Variants in CD300LG observed in about 807,000 individuals in gnomAD.
The protein encoded by CD300LG is CMRF35-like molecule 9.
A neutral mutation model predicts 31.5 loss-of-function variants in CD300LG; 29 were observed. The ratio of observed to expected loss-of-function variants is 0.92; its 90% CI spans 0.68 to 1.25. The LOEUF (loss-of-function observed/expected upper bound fraction) is 1.25, where lower values mean the gene tolerates loss of function less well. Ranked by LOEUF, CD300LG falls within the 50% of genes most tolerant of loss-of-function variation. CD300LG has a pLI of 0.00. For missense variants in CD300LG, 396 were observed against 417.6 expected (o/e 0.95, Z 0.45); for synonymous variants, 175 against 177.2 (o/e 0.99, Z 0.10).
At chr17:43,857,064 T>C in intron 5 of CD300LG, 40 bp from the exon 6 acceptor site, 2 of 1,610,608 alleles carry the variant, frequency 1.2e-6, no homozygotes, top group Non-Finnish European at 1.7e-6. Context: ...TCCCGGCTAC[T>C]CCTGGCTTCA....
chr17:43,854,243 C>G (rs1468356643), intron 4 of CD300LG, among the ~76,000 whole-genome samples, 199 bp downstream of exon 4: 1 of 152,236 alleles, frequency 6.6e-6, no homozygotes, highest in Non-Finnish European at 1.5e-5. Context: ...AGCTCTGCTG[C>G]CTGTCCAGTG....
intron 3 of CD300LG, 87 bp from the exon 4 acceptor site, chr17:43,853,720 A>AGGGTTCAG (rs1386624724): frequency 1.9e-6 from 2 of 1,072,076 alleles, no homozygotes; most frequent in Non-Finnish European, 2.8e-6. Flanking sequence ...CAGGGAGGCT[A>AGGGTTCAG]GGGTTCAGGG....
rs755494466 is a variant in CD300LG, at chr17:43,855,238, C to G, written c.751C>G (p.Pro251Ala). The change falls in exon 5 of 7, where the codon CCA becomes GCA. Residue 251 changes from proline to alanine, a missense_variant. Coordinates refer to ENST00000317310, the MANE Select transcript of CD300LG (RefSeq NM_145273.4). ...CATCCCGATGGTCCGCATACTGGCC[C>G]CAGTCCTGGTGCTGCTGAGCCTTCT... The part of the protein sequence containing the change: ...VSIPMVRILA[P>A]VLVLLSLLSA... The G allele has an allele frequency of 2.4e-5, 38 of 1,610,106 alleles. No individual in the cohort carries two copies.
In CD300LG at chr17:43,852,942, C is replaced by A. The variant is rs377263621; in HGVS notation, c.410C>A (p.Thr137Asn). 2.3e-5 allele frequency: 37 copies of A among 1,612,960 alleles called. No homozygotes were observed. Among genetic ancestry groups the A allele is most frequent in the Non-Finnish European group, 3.1e-5 (36 of 1,179,556 alleles). ...TGCTGTCCTCCCTCCCCTTCTCCCA[C>A]CTTCCAGCCTCTGGCTACAACACGC... is the stretch of plus-strand genomic sequence containing the variant. ...GPCCPPSPSPTFQPLATTRLQ... is the reference protein window; with the variant it reads ...GPCCPPSPSPNFQPLATTRLQ... Residue 137 changes from threonine to asparagine, a missense_variant, in exon 3 of 7, where the codon ACC (threonine) becomes AAC (asparagine). Physicochemically the swap from Thr to Asn is moderately conservative, Grantham distance 65. Transcript: ENST00000317310.
intron 6 of CD300LG, among the ~76,000 whole-genome samples, chr17:43,858,890 T>G (rs1342596201): frequency 6.6e-6 from 1 of 152,172 alleles, no homozygotes; most frequent in African/African-American, 2.4e-5. Flanking sequence ...CTAGAAGGAC[T>G]GCCATCCATC....
In CD300LG at chr17:43,855,206, G is replaced by C; in HGVS notation, c.720-1G>C. The C allele has an allele frequency of 6.2e-7, 1 of 1,600,454 alleles. No homozygotes were observed. Among genetic ancestry groups the C allele is most frequent in the Non-Finnish European group, 8.5e-7 (1 of 1,173,950 alleles). ...CTAGGCTCCTTGCGTCTCGTCTCCA[G>C]GGTGTCCATCCCGATGGTCCGCATA... On this transcript the variant is annotated splice_acceptor_variant, in intron 4 of 6. Coordinates refer to ENST00000317310, the MANE Select transcript of CD300LG (RefSeq NM_145273.4). LOFTEE classifies it high-confidence loss of function.
At chr17:43,859,593 G>A (rs554884347) in intron 6 of CD300LG, among the ~76,000 whole-genome samples, 1 of 152,282 alleles carries the variant, frequency 6.6e-6, no homozygotes, top group African/African-American at 2.4e-5. Flanking sequence ...GTGGTCCAGG[G>A]TCAGCAGTGG....
chr17:43,848,849 G>T lies in CD300LG; in HGVS notation c.335G>T (p.Arg112Leu), dbSNP rs756282737. Residue 112 changes from arginine to leucine, a missense_variant, in exon 2 of 7, where the codon CGG becomes CTG. Arg to Leu is a moderately radical substitution (Grantham distance 102). Coordinates refer to ENST00000317310, the MANE Select transcript of CD300LG (RefSeq NM_145273.4). ...GAGTACTGGTGTGGGGTCGAAAAAC[G>T]GGGCCCCGATGAGTCTTTACTGATC... is the stretch of plus-strand genomic sequence containing the variant. ...AGEYWCGVEK[R>L]GPDESLLISL... The T allele has an allele frequency of 6.2e-7, 1 of 1,613,950 alleles. No individual in the cohort carries two copies. Among genetic ancestry groups the T allele is most frequent in the African/African-American group, 1.3e-5 (1 of 74,888 alleles).
chr17:43,858,336 G>A (rs1385065167), intron 6 of CD300LG: 12 of 997,968 alleles, frequency 1.2e-5, no homozygotes, highest in African/African-American at 5.2e-5. Flanking sequence ...CTCCAAGCCC[G>A]GCCTCCTGGC....
At chr17:43,852,385 T>G (rs1302736143) in intron 2 of CD300LG, among the ~76,000 whole-genome samples, 3 of 152,094 alleles carry the variant, frequency 2.0e-5, no homozygotes, top group Admixed American at 6.6e-5. Context: ...CAGCTAATTT[T>G]GTATTTTTAG....
chr17:43,860,910 G>A (rs1056976380), intron 6 of CD300LG, among the ~76,000 whole-genome samples: 1 of 152,166 alleles, frequency 6.6e-6, no homozygotes, highest in African/African-American at 2.4e-5. Context: ...TTTTACAGCT[G>A]AGGAAACTGA....
In CD300LG at chr17:43,862,513, T is replaced by G. The variant is rs926971560; in HGVS notation, c.*602T>G. The G allele has an allele frequency of 2.0e-5, 3 of 152,156 alleles. No individual in the cohort carries two copies. The highest frequency in any genetic ancestry group is 7.2e-5 in the African/African-American group (3 of 41,420). 9.4% of individuals were successfully genotyped at this position (152,156 alleles called of 1,614,324 possible). On this transcript the variant is annotated 3_prime_UTR_variant, in exon 7 of 7. Coordinates refer to ENST00000317310, the MANE Select transcript of CD300LG (RefSeq NM_145273.4). ...CTGGGGCTTGGTGCAGGACTCTGAA[T>G]TTCTAACAATGCCCAGTGACTGTCG...
At position 43,848,593 on chromosome 17, in the gene CD300LG, G is replaced by A. The variant is rs747302869; in HGVS notation, c.79G>A (p.Gly27Arg). Residue 27 changes from glycine to arginine, a missense_variant, in exon 2 of 7, where the codon GGG becomes AGG. Physicochemically the swap from Gly to Arg is moderately radical, Grantham distance 125. Transcript: ENST00000317310. Reference sequence around the variant, plus strand: ...CCTGGAGGGCCCAGAGGAAATCAGCGGGTTCGAAGGGGACACTGTGTCCCT... The same window carrying A: ...CCTGGAGGGCCCAGAGGAAATCAGCAGGTTCGAAGGGGACACTGTGTCCCT... ...EALEGPEEISGFEGDTVSLQC... is the reference protein window; with the variant it reads ...EALEGPEEISRFEGDTVSLQC... The A allele has an allele frequency of 1.1e-5, 17 of 1,613,864 alleles. No individual in the cohort carries two copies. Among genetic ancestry groups the A allele is most frequent in the African/African-American group, 5.3e-5 (4 of 74,892 alleles).
At chr17:43,854,117 C>T in intron 4 of CD300LG, 73 bp downstream of exon 4, 1 of 1,102,830 alleles carries the variant, frequency 9.1e-7, no homozygotes, top group Non-Finnish European at 1.3e-6. Flanking sequence ...AAAATAGGAA[C>T]TCAACACTCT....
Position 43,848,884 on chromosome 17 carries a change from G to C in CD300LG, c.370G>C (p.Val124Leu), listed in dbSNP as rs763348233. The change falls in exon 2 of 7, where the codon GTC becomes CTC. Residue 124 changes from valine to leucine, a missense_variant. Coordinates refer to ENST00000317310, the MANE Select transcript of CD300LG (RefSeq NM_145273.4). ...PDESLLISLF[V>L]FPGPCCPPSP... ...TGAGTCTTTACTGATCTCTCTGTTC[G>C]TCTTTCCAGGTAACAGATATCTCTC... The C allele has an allele frequency of 6.2e-7, 1 of 1,607,118 alleles. No individual in the cohort carries two copies. The highest frequency in any genetic ancestry group is 8.5e-7 in the Non-Finnish European group (1 of 1,174,266).
At position 43,848,731 on chromosome 17, in the gene CD300LG, G is replaced by T; in HGVS notation, c.217G>T (p.Glu73Ter). Residue 73 changes from glutamate to a stop codon, truncating the protein, a stop_gained, in exon 2 of 7, where the codon GAG becomes TAG. Coordinates refer to ENST00000317310, the MANE Select transcript of CD300LG (RefSeq NM_145273.4). LOFTEE classifies it high-confidence loss of function. ...CATCTATGCAGAAGAAGAAGGCCAG[G>T]AGACAATGAAGGGCAGGGTGTCCAT... is the stretch of plus-strand genomic sequence containing the variant. ...GTIYAEEEGQ[E>*]TMKGRVSIRD... 1.2e-6 allele frequency: 2 copies of T among 1,614,162 alleles called. No homozygotes were observed. Among genetic ancestry groups the T allele is most frequent in the Non-Finnish European group, 1.7e-6 (2 of 1,180,034 alleles).
rs866367835 is a variant in CD300LG, at chr17:43,853,985, G to A, written c.660G>A (p.Leu220=). 3.1e-6 allele frequency: 5 copies of A among 1,614,190 alleles called. No homozygotes were observed. Among genetic ancestry groups the A allele is most frequent in the Non-Finnish European group, 4.2e-6 (5 of 1,180,016 alleles). The change falls in exon 4 of 7, where the codon CTG becomes CTA. Residue 220 remains leucine, a synonymous_variant. Transcript: ENST00000317310. Reference sequence around the variant, plus strand: ...GGAGCTCCCGCCCCCCCATGCAGCTGGACTCCACCTCAGCAGAGGACACCA... The same window carrying A: ...GGAGCTCCCGCCCCCCCATGCAGCTAGACTCCACCTCAGCAGAGGACACCA... ...PAGSSRPPMQ[L]DSTSAEDTSP... is the part of the protein sequence containing the mutation.
In CD300LG at chr17:43,862,858, T is replaced by G. The variant is rs945825649; in HGVS notation, c.*947T>G. 2 of 152,174 alleles carry G rather than the reference T, an allele frequency of 1.3e-5. No individual in the cohort carries two copies. 9.4% of individuals were successfully genotyped at this position (152,174 alleles called of 1,614,324 possible). A position where few individuals can be genotyped will look rare whatever the true frequency, so the allele number is the denominator to read the frequency against. On this transcript the variant is annotated 3_prime_UTR_variant, in exon 7 of 7. Coordinates refer to ENST00000317310, the MANE Select transcript of CD300LG (RefSeq NM_145273.4). ...TTGTCTGGAAAGGGTTACTTGCCTA[T>G]GGGTTCTGGTGGCTAGAGAGAAAAG...
intron 2 of CD300LG, chr17:43,850,059 T>G (rs1273205203): frequency 6.6e-6 from 1 of 152,272 alleles, no homozygotes; most frequent in Non-Finnish European, 1.5e-5. Context: ...ATTCTTTATT[T>G]GTGTATGACA....
Sources: gnomAD v4.1 joint callset for allele counts (sites outside exome capture counted in the v4.1 genomes callset) on GRCh38, gnomAD v4.1.1 for gene constraint, MANE v1.5 for transcripts, NCBI Gene and HGNC (gene_info 2026-07-23, HGNC 2026-07-21) for gene names.